The following SNAP47 variants were observed in gnomAD, a reference collection of about 807,000 sequenced individuals.
The protein encoded by SNAP47 is synaptosome associated protein 47, also known as synaptosomal-associated protein 47.
Under a neutral mutation model 31.4 loss-of-function variants are expected in SNAP47, and 20 were observed. That is an observed-to-expected ratio of 0.64 (90% CI 0.45 to 0.93). The LOEUF is 0.93. SNAP47 is among the 40% of genes least tolerant of loss of function. The pLI is 0.00. For missense variants in SNAP47, 492 were observed against 528.5 expected, an observed-to-expected ratio of 0.93 and a Z score of 0.68; for synonymous variants, 194 against 213.4, an observed-to-expected ratio of 0.91 and a Z score of 0.79.
chr1:227,772,206 G>A (rs1663860433), intron 4 of SNAP47, among the ~76,000 whole-genome samples: 1 of 152,146 alleles, frequency 6.6e-6, no homozygotes, highest in South Asian at 2.1e-4. Flanking sequence ...TAAAAATTGT[G>A]GTGAAATATA....
intron 3 of SNAP47, among the ~76,000 whole-genome samples, chr1:227,766,460 C>G (rs948693877): frequency 2.0e-5 from 3 of 152,192 alleles, no homozygotes; most frequent in Non-Finnish European, 4.4e-5. Flanking sequence ...TGGAAACACC[C>G]AGGTCCTCTC....
At chr1:227,737,821 T>A (rs181337003) in intron 1 of SNAP47, among the ~76,000 whole-genome samples, 1 of 152,232 alleles carries the variant, frequency 6.6e-6, no homozygotes, top group Non-Finnish European at 1.5e-5. Flanking sequence ...TTGGGGATTG[T>A]GTGATTCAGT....
upstream of SNAP47, chr1:227,732,759 A>T (rs1660750725): frequency 1.3e-6 from 2 of 1,589,374 alleles, no homozygotes; most frequent in Admixed American, 1.7e-5. Context: ...CCAGTCCCCA[A>T]GGACGAAGAA....
chr1:227,774,278 G>A (rs9651013), intron 4 of SNAP47, among the ~76,000 whole-genome samples: 11,447 of 152,280 alleles, frequency 0.075, 716 homozygotes, highest in East Asian at 0.32. Context: ...ATTTTGACAC[G>A]TTTGCTAGCC....
At chr1:227,740,154 G>T (rs146681448) in intron 1 of SNAP47, among the ~76,000 whole-genome samples, 1 of 152,346 alleles carries the variant, frequency 6.6e-6, no homozygotes, top group East Asian at 1.9e-4. Context: ...AGTGCCTTAG[G>T]AAGGCGAGGA....
At chr1:227,733,783 G>A, upstream of SNAP47, 5 of 1,581,314 alleles carry the variant, frequency 3.2e-6, no homozygotes, top group Non-Finnish European at 4.3e-6. Context: ...TGGCCCCTTG[G>A]TCTCAAGGGA....
upstream of SNAP47, chr1:227,733,766 G>A: frequency 6.3e-7 from 1 of 1,589,106 alleles, no homozygotes; most frequent in Non-Finnish European, 8.5e-7. Context: ...TCCAACTGAA[G>A]GAGGGGTGGC....
chr1:227,763,854 G>T lies in SNAP47; in HGVS notation c.989-3105G>T, dbSNP rs980201026. On this transcript the variant is annotated intron_variant, in intron 3 of 4. Transcript: ENST00000617596. The surrounding 1 kb of genome is among the most constrained non-coding windows in gnomAD (Gnocchi z 4.2). ...GAAGGGGCTTGCTGGAGACAGACAGGCTGGTGGCCCAGGTCCCCGCTCCCA... is the reference window on the plus strand; with the variant it reads ...GAAGGGGCTTGCTGGAGACAGACAGTCTGGTGGCCCAGGTCCCCGCTCCCA... 2.0e-5 allele frequency among the ~76,000 whole-genome samples: 3 copies of T among 152,188 alleles called. No individual in the cohort carries two copies. Among genetic ancestry groups the T allele is most frequent in the African/African-American group, 7.2e-5 (3 of 41,442 alleles).
intron 2 of SNAP47, among the ~76,000 whole-genome samples, chr1:227,754,366 G>A (rs966292877): frequency 1.3e-5 from 2 of 152,198 alleles, no homozygotes; most frequent in Non-Finnish European, 2.9e-5. Context: ...ACAGGATGGG[G>A]GTGTGGCAGG....
At chr1:227,732,826 C>T, upstream of SNAP47, 1 of 1,605,766 alleles carries the variant, frequency 6.2e-7, no homozygotes, top group Non-Finnish European at 8.5e-7. Flanking sequence ...GAGTCTGAGC[C>T]ATGCAGCCTA....
intron 1 of SNAP47, among the ~76,000 whole-genome samples, chr1:227,736,761 A>G (rs1158277107): frequency 1.3e-5 from 2 of 148,986 alleles, no homozygotes; most frequent in African/African-American, 2.5e-5. Flanking sequence ...GGCTCAAGCA[A>G]TCCTTCTGCC....
upstream of SNAP47, chr1:227,731,212 G>C (rs539368400): frequency 3.3e-5 from 5 of 152,496 alleles, no homozygotes; most frequent in Admixed American, 2.6e-4. Context: ...GCATTCATTC[G>C]ACAGACACAT....
At chr1:227,760,555 A>C (rs1469721466) in intron 3 of SNAP47, among the ~76,000 whole-genome samples, 2 of 152,134 alleles carry the variant, frequency 1.3e-5, no homozygotes, top group African/African-American at 4.8e-5. Context: ...CACGTCCACC[A>C]CGTTTGGCCT....
At chr1:227,779,071 GA>G (rs1664313639) in intron 4 of SNAP47, among the ~76,000 whole-genome samples, 1 of 152,224 alleles carries the variant, frequency 6.6e-6, no homozygotes, top group East Asian at 1.9e-4. Flanking sequence ...GCTGGCCGGG[GA>G]AGGGCTCCTT....
rs765555970 is a variant in SNAP47, at chr1:227,767,042, C to A, written c.1072C>A (p.Leu358Met). The stretch of plus-strand genomic sequence containing the variant: ...CACAGCACTGCACCTGCAGACAAGC[C>A]TGCCAGCCCTTTCTGAGGCAGATAC... The part of the protein sequence containing the change: ...EGTALHLQTS[L>M]PALSEADTQE... Residue 358 changes from leucine to methionine, a missense_variant, in exon 4 of 5, where the codon CTG (leucine) becomes ATG (methionine). Transcript: ENST00000617596. 5.6e-6 allele frequency: 9 copies of A among 1,613,988 alleles called. No homozygotes were observed. Among genetic ancestry groups the A allele is most frequent in the Non-Finnish European group, 5.9e-6 (7 of 1,180,052 alleles).
upstream of SNAP47, chr1:227,735,285 C>T: frequency 6.2e-7 from 1 of 1,606,138 alleles, no homozygotes; most frequent in South Asian, 1.1e-5. Flanking sequence ...CAGCTCAGCA[C>T]GGGTCGAAGG....
intron 3 of SNAP47, among the ~76,000 whole-genome samples, chr1:227,764,186 A>G (rs1558208365): frequency 6.6e-6 from 1 of 152,190 alleles, no homozygotes. Context: ...ATCCTTACAG[A>G]ACCAAATTAA....
At chr1:227,766,789 C>T (rs1663431111) in intron 3 of SNAP47, among the ~76,000 whole-genome samples, 170 bp from the exon 4 acceptor site, 2 of 152,222 alleles carry the variant, frequency 1.3e-5, no homozygotes, top group Non-Finnish European at 1.5e-5. Flanking sequence ...GACCCTAATC[C>T]TTCGGGGCCG....
chr1:227,731,318 A>G (rs1348285729), upstream of SNAP47: 1 of 152,348 alleles, frequency 6.6e-6, no homozygotes, highest in Non-Finnish European at 1.5e-5. Context: ...GGGGGCTTCC[A>G]TCCTAGACAA....
Sources: allele counts gnomAD v4.1 joint callset (sites outside exome capture counted in the v4.1 genomes callset), GRCh38; gene constraint gnomAD v4.1.1; non-coding constraint Gnocchi (gnomAD v3.1); transcripts MANE v1.5; gene names NCBI Gene and HGNC (gene_info 2026-07-23, HGNC 2026-07-21).